Variants in RHEB observed in about 807,000 individuals in gnomAD.
RHEB encodes the protein Ras homolog, mTORC1 binding, also known as GTP-binding protein Rheb.
A neutral mutation model predicts 28.8 loss-of-function variants in RHEB; 2 were observed. The observed-to-expected ratio is 0.07, with a 90% CI of 0.03 to 0.22. RHEB has a LOEUF of 0.22. Ranked by LOEUF, RHEB falls within the 10% of genes least tolerant of loss-of-function variation. The pLI, the probability that RHEB is intolerant of heterozygous loss-of-function variation, is 1.00. For synonymous variants in RHEB, 69 were observed against 77.3 expected (o/e 0.89, Z 0.56); for missense variants, 76 against 219.9 (o/e 0.35, Z 4.14).
chr7:151,498,126 C>A, intron 1 of RHEB: 1 of 1,289,622 alleles, frequency 7.8e-7, no homozygotes, highest in South Asian at 1.2e-5. Flanking sequence ...ACCTGTGCGC[C>A]CTGCAGAACT....
chr7:151,502,002 G>A (rs999582038), intron 1 of RHEB: 33 of 521,480 alleles, frequency 6.3e-5, no homozygotes, highest in Admixed American at 1.2e-4. Flanking sequence ...CTTTGAGGCC[G>A]AGGCGGGCAG....
chr7:151,467,052 A>T lies in RHEB; in HGVS notation c.*67T>A, dbSNP rs998819478. The T allele has an allele frequency of 8.6e-7, 1 of 1,157,288 alleles. No individual in the cohort carries two copies. The highest frequency in any genetic ancestry group is 1.3e-6 in the Non-Finnish European group (1 of 767,542). 71.7% of individuals were successfully genotyped at this position (1,157,288 alleles called of 1,614,324 possible). A position where few individuals can be genotyped will look rare whatever the true frequency, so the allele number is the denominator to read the frequency against. Reference sequence around the variant, plus strand: ...AAAAAAGAAGCATAGTTTATCTTCAAGGAGAACGGGCAGTTTGCTTCTTCA... The same window carrying T: ...AAAAAAGAAGCATAGTTTATCTTCATGGAGAACGGGCAGTTTGCTTCTTCA... On this transcript the variant is annotated 3_prime_UTR_variant, in exon 8 of 8. Coordinates refer to ENST00000262187, the MANE Select transcript of RHEB (RefSeq NM_005614.4).
In RHEB at chr7:151,500,039, C is replaced by T. The variant is rs79035345; in HGVS notation, c.53-9025G>A. Among the ~76,000 whole-genome samples, 1,433 of 152,246 alleles carry T rather than the reference C, an allele frequency of 9.4e-3. 22 individuals carry two copies. The highest frequency in any genetic ancestry group is 0.032 in the African/African-American group (1,328 of 41,542). ...CTGGTCTCAAACACCTGGGCTCAAG[C>T]GGTCCGCCCATTCTGTCCTCCCAAA... On this transcript the variant is annotated intron_variant, in intron 1 of 7. Transcript: ENST00000262187.
chr7:151,467,316 T>C lies in RHEB; in HGVS notation c.463-105A>G, dbSNP rs1802084906. 7 of 809,738 alleles carry C rather than the reference T, an allele frequency of 8.6e-6. No homozygotes were observed. In the South Asian group the frequency reaches 1.1e-4, roughly 12 times the overall value. 50.2% of individuals were successfully genotyped at this position (809,738 alleles called of 1,614,324 possible). ...GCCGCCTGCCCTGCCCTCCTACTGGTGGAGGAGGAGGGGTTCTGGTGAGCC... is the reference window on the plus strand; with the variant it reads ...GCCGCCTGCCCTGCCCTCCTACTGGCGGAGGAGGAGGGGTTCTGGTGAGCC... On this transcript the variant is annotated intron_variant, in intron 7 of 7. Coordinates refer to ENST00000262187, the MANE Select transcript of RHEB (RefSeq NM_005614.4).
chr7:151,500,056 C>T (rs1457487375), intron 1 of RHEB, among the ~76,000 whole-genome samples: 1 of 152,172 alleles, frequency 6.6e-6, no homozygotes, highest in East Asian at 1.9e-4. Flanking sequence ...CCCATTCTGT[C>T]CTCCCAAAGT....
At chr7:151,470,452 G>A in intron 7 of RHEB, 119 bp downstream of exon 7, 2 of 606,476 alleles carry the variant, frequency 3.3e-6, no homozygotes, top group South Asian at 4.8e-5. Flanking sequence ...ATTAGAAATG[G>A]AGGAAGGCCA....
intron 3 of RHEB, among the ~76,000 whole-genome samples, chr7:151,482,821 C>A (rs1208802336): frequency 2.0e-5 from 3 of 152,156 alleles, no homozygotes; most frequent in Admixed American, 1.3e-4. Flanking sequence ...AGATACAAAA[C>A]CCAACAATCC....
At chr7:151,467,321 G>T in intron 7 of RHEB, 110 bp from the exon 8 acceptor site, 1 of 781,562 alleles carries the variant, frequency 1.3e-6, no homozygotes, top group Non-Finnish European at 2.2e-6. Flanking sequence ...ACTGGTGGAG[G>T]AGGAGGGGTT....
At chr7:151,467,848 G>C (rs1802094353) in intron 7 of RHEB, among the ~76,000 whole-genome samples, 1 of 152,082 alleles carries the variant, frequency 6.6e-6, no homozygotes, top group Non-Finnish European at 1.5e-5. Flanking sequence ...TGGCCACTTG[G>C]AGCAGGAACT....
At chr7:151,476,391 A>C (rs1424017442) in intron 4 of RHEB, among the ~76,000 whole-genome samples, 1 of 152,184 alleles carries the variant, frequency 6.6e-6, no homozygotes, top group Non-Finnish European at 1.5e-5. Flanking sequence ...CACCTGCAGC[A>C]CAGAGAGCAA....
chr7:151,503,217 T>G, intron 1 of RHEB: 1 of 783,604 alleles, frequency 1.3e-6, no homozygotes, highest in Non-Finnish European at 2.4e-6. Flanking sequence ...AGGATAAATC[T>G]CATTTCACAG....
Position 151,500,997 on chromosome 7 carries a change from AT to A in RHEB, c.53-9984del, listed in dbSNP as rs532761183. ...AGACGCTGTCTCCAAAATCAAAAAA[AT>A]CATAGACCTAAATGTAAAAACTATC... is the stretch of plus-strand genomic sequence containing the variant. On this transcript the variant is annotated intron_variant, in intron 1 of 7. Coordinates refer to ENST00000262187, the MANE Select transcript of RHEB (RefSeq NM_005614.4). 2.0e-3 allele frequency among the ~76,000 whole-genome samples: 301 copies of A among 152,336 alleles called. 1 individual carries two copies. The highest frequency in any genetic ancestry group is 7.0e-3 in the African/African-American group (292 of 41,562).
At chr7:151,469,610 T>C (rs967429727) in intron 7 of RHEB, among the ~76,000 whole-genome samples, 5 of 152,070 alleles carry the variant, frequency 3.3e-5, no homozygotes, top group Non-Finnish European at 7.4e-5. Flanking sequence ...CCACCACATG[T>C]TGAAAACACA....
chr7:151,477,270 C>CT (rs1238388009), intron 4 of RHEB, 63 bp downstream of exon 4: 12 of 959,784 alleles, frequency 1.3e-5, no homozygotes, highest in Non-Finnish European at 1.7e-5. Context: ...AGCACAGTCC[C>CT]TTAAAAGGAT....
chr7:151,500,078 G>T (rs1480975945), intron 1 of RHEB, among the ~76,000 whole-genome samples: 1 of 152,116 alleles, frequency 6.6e-6, no homozygotes, highest in Non-Finnish European at 1.5e-5. Flanking sequence ...CTGAGATTAT[G>T]GGTGTGAACC....
chr7:151,516,030 G>A (rs185647441), intron 1 of RHEB, among the ~76,000 whole-genome samples: 5 of 138,168 alleles, frequency 3.6e-5, no homozygotes, highest in Admixed American at 7.5e-5. Context: ...GACAGTTTAC[G>A]TAACACTACC....
rs975710507 is a variant in RHEB, at chr7:151,492,932, G to A, written c.53-1918C>T. On this transcript the variant is annotated intron_variant, in intron 1 of 7. Coordinates refer to ENST00000262187, the MANE Select transcript of RHEB (RefSeq NM_005614.4). The stretch of plus-strand genomic sequence containing the variant: ...TGGCTCACTGCAACCTCTGCCTCCC[G>A]GGTTGAGGCGATTCTCCTGCCTCAG... Among the ~76,000 whole-genome samples the A allele has an allele frequency of 7.5e-5, 11 of 146,460 alleles. No homozygotes were observed. In the South Asian group the frequency reaches 2.0e-3, roughly 26 times the overall value.
intron 1 of RHEB, among the ~76,000 whole-genome samples, chr7:151,505,195 G>A (rs957017461): frequency 5.4e-5 from 8 of 148,340 alleles, no homozygotes; most frequent in Non-Finnish European, 7.4e-5. Flanking sequence ...AAAGTGAACC[G>A]AGTTTCATCA....
intron 1 of RHEB, among the ~76,000 whole-genome samples, chr7:151,513,583 G>A (rs1251991130): frequency 6.6e-6 from 1 of 152,162 alleles, no homozygotes; most frequent in Non-Finnish European, 1.5e-5. Context: ...GACCAGTAAC[G>A]CTACAAAACC....
Sources: gnomAD v4.1 joint callset for allele counts (sites outside exome capture counted in the v4.1 genomes callset) on GRCh38, gnomAD v4.1.1 for gene constraint, MANE v1.5 for transcripts, NCBI Gene and HGNC (gene_info 2026-07-23, HGNC 2026-07-21) for gene names.